Variants in SORCS3 observed in about 807,000 individuals in gnomAD.
SORCS3 encodes the protein sortilin related VPS10 domain containing receptor 3, also known as VPS10 domain-containing receptor SorCS3.
In SORCS3, 57 loss-of-function variants were observed where a neutral mutation model predicts 146.3. The observed-to-expected ratio is 0.39, with a 90% confidence interval of 0.31 to 0.49. The LOEUF is 0.49. SORCS3 is among the 20% of genes least tolerant of loss of function. The probability of loss-of-function intolerance (pLI) is 0.92; values close to 1 mark genes in which losing one functional copy is unlikely to be tolerated. For synonymous variants in SORCS3, 653 were observed against 618.5 expected, an observed-to-expected ratio of 1.06 and a Z score of -0.83; for missense variants, 1,341 against 1,575.5, an observed-to-expected ratio of 0.85 and a Z score of 2.52.
intron 2 of SORCS3, among the ~76,000 whole-genome samples, chr10:104,874,016 G>A (rs2035751): frequency 0.088 from 13,467 of 152,206 alleles, 780 homozygotes; most frequent in South Asian, 0.26. Flanking sequence ...ATACAAATAC[G>A]GTTGGACAGT....
chr10:104,861,249 A>G (rs1174319573), intron 2 of SORCS3, among the ~76,000 whole-genome samples: 1 of 152,162 alleles, frequency 6.6e-6, no homozygotes, highest in Admixed American at 6.5e-5. Context: ...GAGTCTCTGT[A>G]CAGAGAAGTG....
At position 104,808,677 on chromosome 10, in the gene SORCS3, A is replaced by G. The variant is rs11817339; in HGVS notation, c.628-34115A>G. On this transcript the variant is annotated intron_variant, in intron 1 of 26. Transcript: ENST00000369701. ...TCAGTAGATAAGGAGACTGGAGCCCATCATGAAGAAGCTCTATCAGCCATC... is the reference window on the plus strand; with the variant it reads ...TCAGTAGATAAGGAGACTGGAGCCCGTCATGAAGAAGCTCTATCAGCCATC... Among the ~76,000 whole-genome samples the G allele has an allele frequency of 5.6e-3, 847 of 152,364 alleles. 14 individuals are homozygous for G. Among genetic ancestry groups the G allele is most frequent in the African/African-American group, 0.019 (788 of 41,582 alleles).
intron 1 of SORCS3, among the ~76,000 whole-genome samples, chr10:104,667,927 G>A (rs1387649671): frequency 6.6e-6 from 1 of 152,194 alleles, no homozygotes; most frequent in Non-Finnish European, 1.5e-5. Flanking sequence ...ATAGATGGAT[G>A]TAAGGAGGCC....
intron 1 of SORCS3, among the ~76,000 whole-genome samples, chr10:104,803,042 A>T (rs1359807991): frequency 1.3e-5 from 2 of 152,172 alleles, no homozygotes; most frequent in East Asian, 3.9e-4. Context: ...ACCACCCTCT[A>T]AGTTTGTCCT....
intron 2 of SORCS3, among the ~76,000 whole-genome samples, chr10:104,883,912 C>G (rs1323234565): frequency 2.0e-5 from 3 of 150,894 alleles, no homozygotes; most frequent in African/African-American, 7.3e-5. Context: ...TTTCTTTTTC[C>G]TGTGGCAAAC....
Position 105,265,059 on chromosome 10 carries a change from G to C in SORCS3, c.*1685G>C, listed in dbSNP as rs1380512445. 3 of 152,346 alleles carry C rather than the reference G, an allele frequency of 2.0e-5. No individual in the cohort carries two copies. The highest frequency in any genetic ancestry group is 4.4e-5 in the Non-Finnish European group (3 of 67,994). 9.4% of individuals were successfully genotyped at this position (152,346 alleles called of 1,614,324 possible). A position where few individuals can be genotyped will look rare whatever the true frequency, so the allele number is the denominator to read the frequency against. On this transcript the variant is annotated 3_prime_UTR_variant, in exon 27 of 27. Transcript: ENST00000369701. ...CTTTTTTGTTTCAAGGGTTAAATGG[G>C]GCAGACAATTGCAATACTTGTACTA...
chr10:105,239,101 T>G (rs976760616), intron 20 of SORCS3, among the ~76,000 whole-genome samples: 1 of 152,220 alleles, frequency 6.6e-6, no homozygotes, highest in Admixed American at 6.5e-5. Flanking sequence ...TTTGGTTCCA[T>G]CTTATATCAC....
chr10:104,821,394 A>C (rs2133528708), intron 1 of SORCS3, among the ~76,000 whole-genome samples: 1 of 152,288 alleles, frequency 6.6e-6, no homozygotes, highest in Middle Eastern at 3.4e-3. Flanking sequence ...GATAGCTGGA[A>C]GCTGGCAGGC....
chr10:104,729,943 G>T (rs1188386727), intron 1 of SORCS3, among the ~76,000 whole-genome samples: 2 of 152,206 alleles, frequency 1.3e-5, no homozygotes, highest in African/African-American at 2.4e-5. Context: ...TTTCTTATCA[G>T]TAAAATGGGC....
chr10:105,222,879 T>C (rs1359572124), intron 19 of SORCS3, among the ~76,000 whole-genome samples: 1 of 152,224 alleles, frequency 6.6e-6, no homozygotes, highest in Non-Finnish European at 1.5e-5. Context: ...GTTAGACTTA[T>C]CAGATGTAAA....
chr10:105,160,218 G>A (rs2056250496), intron 11 of SORCS3, among the ~76,000 whole-genome samples: 1 of 152,206 alleles, frequency 6.6e-6, no homozygotes, highest in Admixed American at 6.5e-5. Flanking sequence ...GTGTAGCCAG[G>A]CATTGTTCTT....
At chr10:105,025,981 A>G (rs1390001371) in intron 4 of SORCS3, among the ~76,000 whole-genome samples, 2 of 151,978 alleles carry the variant, frequency 1.3e-5, no homozygotes, top group Non-Finnish European at 2.9e-5. Flanking sequence ...TGCGGGCTCA[A>G]AATCAGGAAG....
chr10:104,925,853 A>G (rs917638065), intron 3 of SORCS3, among the ~76,000 whole-genome samples: 4 of 152,226 alleles, frequency 2.6e-5, no homozygotes, highest in Non-Finnish European at 4.4e-5. Context: ...TGGACTTTCA[A>G]ATTGCTCCTA....
chr10:104,736,831 G>A (rs1055935930), intron 1 of SORCS3, among the ~76,000 whole-genome samples: 3 of 150,722 alleles, frequency 2.0e-5, no homozygotes, highest in Non-Finnish European at 4.4e-5. Context: ...TGCACAATGT[G>A]CAGGTTAGTT....
chr10:105,197,270 C>G (rs1326733696), intron 14 of SORCS3, among the ~76,000 whole-genome samples: 1 of 152,214 alleles, frequency 6.6e-6, no homozygotes, highest in Non-Finnish European at 1.5e-5. Context: ...TCACTCTCTT[C>G]TTCAGTGGTC....
intron 2 of SORCS3, among the ~76,000 whole-genome samples, chr10:104,880,754 C>T (rs1490994365): frequency 6.6e-6 from 1 of 152,140 alleles, no homozygotes; most frequent in Non-Finnish European, 1.5e-5. Context: ...TGACCCCCTG[C>T]CTTACTCTGT....
At chr10:104,994,578 G>A (rs1403466281) in intron 4 of SORCS3, among the ~76,000 whole-genome samples, 1 of 152,160 alleles carries the variant, frequency 6.6e-6, no homozygotes, top group Non-Finnish European at 1.5e-5. Context: ...AAGTTTCCTT[G>A]TGCTCCTTTG....
At chr10:104,842,976 G>A in intron 2 of SORCS3, 117 bp downstream of exon 2, 1 of 804,254 alleles carries the variant, frequency 1.2e-6, no homozygotes, top group African/African-American at 1.7e-5. Flanking sequence ...CTTCCTGGAA[G>A]CTCATGTTAA....
At chr10:105,099,709 C>T (rs2055769900) in intron 6 of SORCS3, among the ~76,000 whole-genome samples, 1 of 152,170 alleles carries the variant, frequency 6.6e-6, no homozygotes, top group Non-Finnish European at 1.5e-5. Flanking sequence ...TAGAGAAAGG[C>T]TGTGGCTGCC....
Sources: gnomAD v4.1 joint callset for allele counts (sites outside exome capture counted in the v4.1 genomes callset) on GRCh38, gnomAD v4.1.1 for gene constraint, MANE v1.5 for transcripts, NCBI Gene and HGNC (gene_info 2026-07-23, HGNC 2026-07-21) for gene names.